Variants in ADGRL2 observed in about 807,000 individuals in gnomAD.
ADGRL2 encodes the protein calcium-independent alpha-latrotoxin receptor 2.
ADGRL2 carries 44 observed loss-of-function variants against 157.4 expected under a neutral mutation model. The ratio of observed to expected loss-of-function variants is 0.28; its 90% CI spans 0.22 to 0.36. The LOEUF (loss-of-function observed/expected upper bound fraction) is 0.36, where lower values mean the gene tolerates loss of function less well. ADGRL2 is among the 10% of genes least tolerant of loss of function. ADGRL2 has a pLI of 1.00. For synonymous variants in ADGRL2, 585 were observed against 624.7 expected, an observed-to-expected ratio of 0.94 and a Z score of 0.95; for missense variants, 1,510 against 1,768.9, an observed-to-expected ratio of 0.85 and a Z score of 2.63.
In ADGRL2 at chr1:81,951,116, C is replaced by T; in HGVS notation, c.1603C>T (p.Gln535Ter). Residue 535 changes from glutamine to a stop codon, truncating the protein, a stop_gained, in exon 8 of 24, where the codon CAG becomes TAG. Transcript: ENST00000686636. LOFTEE classifies it high-confidence loss of function. ...CTCACACTGGGTGAATCAGCTGGCTCAGAAGGTTGGTTGGAACCTTTTAAT... is the reference window on the plus strand; with the variant it reads ...CTCACACTGGGTGAATCAGCTGGCTTAGAAGGTTGGTTGGAACCTTTTAAT... ...CTSHWVNQLAQKIRSGENAAS... is the reference protein window; with the variant it reads ...CTSHWVNQLA 1 of 1,610,808 alleles carries T rather than the reference C, an allele frequency of 6.2e-7. No homozygotes were observed. The highest frequency in any genetic ancestry group is 8.5e-7 in the Non-Finnish European group (1 of 1,177,184).
chr1:81,475,403 G>A (rs1361921581), intron 2 of ADGRL2, among the ~76,000 whole-genome samples: 1 of 152,072 alleles, frequency 6.6e-6, no homozygotes, highest in African/African-American at 2.4e-5. Context: ...TGACATCTTT[G>A]CTCAAAGGTA....
chr1:81,669,078 C>A (rs1450658402), intron 3 of ADGRL2, among the ~76,000 whole-genome samples: 2 of 152,096 alleles, frequency 1.3e-5, no homozygotes, highest in Non-Finnish European at 2.9e-5. Context: ...ATTCTCCTCC[C>A]TGCCTTCTCT....
chr1:81,322,216 T>TATAAACAAAAA (rs1304826398), intron 1 of ADGRL2, among the ~76,000 whole-genome samples: 1 of 150,802 alleles, frequency 6.6e-6, no homozygotes, highest in African/African-American at 2.4e-5. Flanking sequence ...GCACACACTG[T>TATAAACAAAAA]ATAAACAAAA....
At position 81,763,633 on chromosome 1, in the gene ADGRL2, C is replaced by T. The variant is rs183859689; in HGVS notation, c.-101+1781C>T. Among the ~76,000 whole-genome samples the T allele has an allele frequency of 1.9e-3, 291 of 151,226 alleles. 1 individual carries two copies. The highest frequency in any genetic ancestry group is 6.2e-4 in the Non-Finnish European group (42 of 67,904). ...GGTGTGGTGGCTCACGCCTGTAATCCCAGCACTTTGGGAGGCTGAGGTGAG... is the reference window on the plus strand; with the variant it reads ...GGTGTGGTGGCTCACGCCTGTAATCTCAGCACTTTGGGAGGCTGAGGTGAG... On this transcript the variant is annotated intron_variant, in intron 2 of 20. Coordinates refer to the ADGRL2 transcript ENST00000359929.
intron 1 of ADGRL2, among the ~76,000 whole-genome samples, chr1:81,806,226 T>C (rs1164343070): frequency 1.3e-5 from 2 of 152,082 alleles, no homozygotes; most frequent in African/African-American, 4.8e-5. Context: ...GCTTTATTAA[T>C]GGACTAACAT....
intron 2 of ADGRL2, among the ~76,000 whole-genome samples, chr1:81,492,539 A>T (rs896076116): frequency 6.6e-6 from 1 of 152,160 alleles, no homozygotes; most frequent in Non-Finnish European, 1.5e-5. Flanking sequence ...AGTATGCATA[A>T]ATTAGAAATA....
chr1:81,473,246 T>A (rs961228389), intron 2 of ADGRL2, among the ~76,000 whole-genome samples: 2 of 152,078 alleles, frequency 1.3e-5, no homozygotes, highest in African/African-American at 4.8e-5. Flanking sequence ...TTGGCAGAGG[T>A]CGTGAGTAAG....
chr1:81,738,829 G>T (rs1258188620), intron 1 of ADGRL2, among the ~76,000 whole-genome samples: 1 of 152,122 alleles, frequency 6.6e-6, no homozygotes, highest in Non-Finnish European at 1.5e-5. Context: ...CTTTACCTGA[G>T]GCCCTTGGCC....
At chr1:81,627,333 A>G (rs1459726637) in intron 3 of ADGRL2, among the ~76,000 whole-genome samples, 3 of 152,128 alleles carry the variant, frequency 2.0e-5, no homozygotes, top group Non-Finnish European at 1.5e-5. Context: ...CTGCCCCAGA[A>G]TAGTTGTGCA....
At chr1:81,839,883 A>T (rs1187754050) in intron 2 of ADGRL2, among the ~76,000 whole-genome samples, 2 of 121,488 alleles carry the variant, frequency 1.6e-5, no homozygotes, top group Non-Finnish European at 3.7e-5. Context: ...ATATATATAT[A>T]TTTTCCATCA....
chr1:81,439,727 C>T (rs1159218125), intron 1 of ADGRL2, among the ~76,000 whole-genome samples: 5 of 152,214 alleles, frequency 3.3e-5, no homozygotes, highest in South Asian at 2.1e-4. Context: ...CATTCACAGA[C>T]GGTGGTGTGT....
At position 81,824,448 on chromosome 1, in the gene ADGRL2, T is replaced by A. The variant is rs182262830; in HGVS notation, c.-100-12437T>A. On this transcript the variant is annotated intron_variant, in intron 1 of 23. Coordinates refer to ENST00000686636, the MANE Select transcript of ADGRL2 (RefSeq NM_001366006.2). ...TGCCACCATGCCCAGCTATTTTTTT[T>A]AATTTTTTGTAGAGATGGAGTCTCT... Among the ~76,000 whole-genome samples the A allele has an allele frequency of 2.5e-4, 38 of 152,122 alleles. 1 individual carries two copies. The highest frequency in any genetic ancestry group is 9.7e-4 in the East Asian group (5 of 5,134).
intron 3 of ADGRL2, chr1:81,596,143 T>C (rs909979839): frequency 6.7e-6 from 3 of 449,752 alleles, no homozygotes; most frequent in African/African-American, 6.1e-5. Flanking sequence ...TTTATTAAAA[T>C]AGTTGACTTA....
chr1:81,403,591 A>G (rs545580141), intron 1 of ADGRL2, among the ~76,000 whole-genome samples: 1 of 152,144 alleles, frequency 6.6e-6, no homozygotes, highest in South Asian at 2.1e-4. Context: ...TAATGAGTGT[A>G]CCTCTAGGAT....
At chr1:81,655,160 G>A (rs1336802644) in intron 3 of ADGRL2, among the ~76,000 whole-genome samples, 2 of 152,090 alleles carry the variant, frequency 1.3e-5, no homozygotes, top group Non-Finnish European at 2.9e-5. Context: ...CACCACTCTC[G>A]GCTAATTGTT....
chr1:81,310,913 T>C (rs906364442), intron 1 of ADGRL2, among the ~76,000 whole-genome samples: 4 of 151,844 alleles, frequency 2.6e-5, no homozygotes, highest in African/African-American at 9.7e-5. Flanking sequence ...TGAGTCTGTG[T>C]TGATAGAAAC....
intron 1 of ADGRL2, among the ~76,000 whole-genome samples, chr1:81,822,304 C>T (rs1013736862): frequency 6.6e-6 from 1 of 151,654 alleles, no homozygotes; most frequent in African/African-American, 2.4e-5. Context: ...TTCTCAAGTT[C>T]AGAATATTGC....
intron 2 of ADGRL2, among the ~76,000 whole-genome samples, chr1:81,571,194 A>G (rs1229612242): frequency 6.6e-6 from 1 of 151,720 alleles, no homozygotes. Context: ...GCATGATGGC[A>G]GGCACCTATA....
intron 1 of ADGRL2, among the ~76,000 whole-genome samples, chr1:81,704,100 C>T (rs575878717): frequency 6.6e-6 from 1 of 152,282 alleles, no homozygotes; most frequent in Non-Finnish European, 1.5e-5. Context: ...CTTAGGCCTC[C>T]CTTCATCATC....
Sources: allele counts gnomAD v4.1 joint callset (sites outside exome capture counted in the v4.1 genomes callset), GRCh38; gene constraint gnomAD v4.1.1; transcripts MANE v1.5; gene names NCBI Gene and HGNC (gene_info 2026-07-23, HGNC 2026-07-21).